The following FRMPD2 variants were observed in gnomAD, a reference collection of about 807,000 sequenced individuals.
FRMPD2 encodes the protein FERM and PDZ domain containing 2, also known as FERM and PDZ domain-containing protein 2.
Under a neutral mutation model 140.1 loss-of-function variants are expected in FRMPD2, and 96 were observed. The observed-to-expected ratio is 0.69, with a 90% CI of 0.58 to 0.81. FRMPD2 has a LOEUF of 0.81. Ranked by LOEUF, FRMPD2 falls within the 40% of genes least tolerant of loss-of-function variation. The pLI, the probability that FRMPD2 is intolerant of heterozygous loss-of-function variation, is 0.00. For synonymous variants in FRMPD2, 449 were observed against 547.6 expected (o/e 0.82, Z 2.52); for missense variants, 1,240 against 1,447.4 (o/e 0.86, Z 2.32).
In FRMPD2 at chr10:48,216,524, C is replaced by CT. The variant is rs1400402908; in HGVS notation, c.1456-4416dup. ...ATCTGGCCTGCTGTCCCCAACAACT[C>CT]TAAGTGCTAGAGTTAAACTCAGGTT... On this transcript the variant is annotated intron_variant, in intron 12 of 28. Transcript: ENST00000374201. Among the ~76,000 whole-genome samples the CT allele has an allele frequency of 4.6e-5, 7 of 152,280 alleles. No homozygotes were observed. In the East Asian group the frequency reaches 9.7e-4, roughly 21 times the overall value.
chr10:48,228,582 G>C (rs765931726), intron 10 of FRMPD2, among the ~76,000 whole-genome samples: 1 of 151,848 alleles, frequency 6.6e-6, no homozygotes, highest in Non-Finnish European at 1.5e-5. Flanking sequence ...ATATTTCTAG[G>C]TGTTATAAAA....
At chr10:48,239,755 G>T in intron 6 of FRMPD2, 63 bp from the exon 7 acceptor site, 1 of 1,163,230 alleles carries the variant, frequency 8.6e-7, no homozygotes, top group South Asian at 1.3e-5. Flanking sequence ...CTTAAATCAG[G>T]CATCTCAGAG....
At chr10:48,177,642 A>G in intron 22 of FRMPD2, 2 of 182,616 alleles carry the variant, frequency 1.1e-5, no homozygotes, top group East Asian at 2.3e-4. Context: ...CTCCACACTG[A>G]TTCTATGCTG....
At chr10:48,211,874 C>T (rs867346490) in intron 13 of FRMPD2, 80 bp downstream of exon 13, 3 of 1,426,220 alleles carry the variant, frequency 2.1e-6, no homozygotes, top group Non-Finnish European at 2.9e-6. Flanking sequence ...CACCTGGGCC[C>T]CTTGAGAAGG....
chr10:48,174,732 G>A, intron 24 of FRMPD2, 138 bp downstream of exon 24: 1 of 742,686 alleles, frequency 1.3e-6, no homozygotes, highest in Non-Finnish European at 2.4e-6. Context: ...AGAAGAAATG[G>A]AAGAGAAAAA....
intron 3 of FRMPD2, 32 bp from the exon 4 acceptor site, chr10:48,244,881 C>T: frequency 2.1e-6 from 3 of 1,446,652 alleles, no homozygotes; most frequent in Admixed American, 1.7e-5. Context: ...GATTAGATTT[C>T]AATCATCTCT....
At chr10:48,161,452 TAAAGAGGCATA>T (rs1187202565) in intron 28 of FRMPD2, among the ~76,000 whole-genome samples, 4 of 151,608 alleles carry the variant, frequency 2.6e-5, no homozygotes. Flanking sequence ...GTAGAAGACA[TAAAGAGGCATA>T]AAGATGTGGA....
chr10:48,269,152 C>A (rs1204554042), intron 1 of FRMPD2, among the ~76,000 whole-genome samples: 1 of 152,006 alleles, frequency 6.6e-6, no homozygotes, highest in Admixed American at 6.6e-5. Context: ...TCTAGTAAAT[C>A]AGGGAAAACA....
rs112007405 is a variant in FRMPD2, at chr10:48,260,384, G to A, written c.26-8693C>T. The stretch of plus-strand genomic sequence containing the variant: ...GATGTAAATCCCAGTCCAAGGGCAG[G>A]AGATGAGATGAGATGTCCCAGCTCA... On this transcript the variant is annotated intron_variant, in intron 1 of 28. Coordinates refer to ENST00000374201, the MANE Select transcript of FRMPD2 (RefSeq NM_001018071.4). Among the ~76,000 whole-genome samples, 189 of 152,256 alleles carry A rather than the reference G, an allele frequency of 1.2e-3. 1 individual carries two copies. The highest frequency in any genetic ancestry group is 4.4e-3 in the African/African-American group (182 of 41,544).
chr10:48,206,937 G>C lies in FRMPD2; in HGVS notation c.1612-4C>G. The C allele has an allele frequency of 6.2e-7, 1 of 1,613,026 alleles. No homozygotes were observed. The highest frequency in any genetic ancestry group is 8.5e-7 in the Non-Finnish European group (1 of 1,179,424). On this transcript the variant is annotated splice_polypyrimidine_tract_variant and splice_region_variant and intron_variant, in intron 13 of 28. Transcript: ENST00000374201. ...ATTCTGGGAGCTGCTGAGTGACCTG[G>C]AGCAGAAAAAGGCTGATTTAGAAGA... is the stretch of plus-strand genomic sequence containing the variant.
intron 13 of FRMPD2, 103 bp from the exon 14 acceptor site, chr10:48,207,036 AAAG>A: frequency 1.0e-6 from 1 of 978,070 alleles, no homozygotes; most frequent in South Asian, 2.1e-5. Context: ...GGCGTTCTGA[AAAG>A]AAAGAGTAGA....
At chr10:48,249,282 T>A in intron 2 of FRMPD2, 104 bp from the exon 3 acceptor site, 1 of 1,072,078 alleles carries the variant, frequency 9.3e-7, no homozygotes, top group Non-Finnish European at 1.4e-6. Context: ...TCTCTGGGAC[T>A]GAATGTGAGC....
chr10:48,236,600 G>C, intron 8 of FRMPD2, 47 bp from the exon 9 acceptor site: 2 of 1,566,266 alleles, frequency 1.3e-6, no homozygotes, highest in Non-Finnish European at 1.8e-6. Context: ...CAGATTCCAG[G>C]CTTTGGGTCT....
Position 48,232,132 on chromosome 10 carries a change from C to T in FRMPD2, c.1151G>A (p.Gly384Asp). ...ATGCTTACTTTTCATATACGCCAAG[C>T]CAAAGTAGGTGAGTTCCTCGAGGTT... ...FANLEELTYF[G>D]LAYMKSKEFF... The change falls in exon 10 of 29, where the codon GGC becomes GAC. Residue 384 changes from glycine to aspartate, a missense_variant. This residue lies in a region of FRMPD2 where 1,161 missense variants were observed against 1,055.9 expected (regional missense o/e 1.10). Transcript: ENST00000374201. 1.2e-6 allele frequency: 2 copies of T among 1,614,180 alleles called. No individual in the cohort carries two copies. Among genetic ancestry groups the T allele is most frequent in the Non-Finnish European group, 1.7e-6 (2 of 1,180,040 alleles).
chr10:48,228,926 G>A (rs918705208), intron 10 of FRMPD2, among the ~76,000 whole-genome samples: 1 of 151,906 alleles, frequency 6.6e-6, no homozygotes, highest in South Asian at 2.1e-4. Flanking sequence ...ATTGCAAAAG[G>A]TTTATGGAAG....
intron 15 of FRMPD2, among the ~76,000 whole-genome samples, chr10:48,197,690 C>G (rs1256680481): frequency 2.0e-5 from 3 of 152,200 alleles, no homozygotes; most frequent in Non-Finnish European, 4.4e-5. Context: ...TATTATATTG[C>G]TCCCTTTTAT....
At chr10:48,251,071 G>T (rs1198492988) in intron 2 of FRMPD2, among the ~76,000 whole-genome samples, 1 of 151,962 alleles carries the variant, frequency 6.6e-6, no homozygotes, top group Non-Finnish European at 1.5e-5. Context: ...CCAAAGTGCT[G>T]GGATTACAGG....
At chr10:48,209,960 C>T (rs1220222417) in intron 13 of FRMPD2, among the ~76,000 whole-genome samples, 1 of 152,080 alleles carries the variant, frequency 6.6e-6, no homozygotes, top group Non-Finnish European at 1.5e-5. Flanking sequence ...GGATTATATA[C>T]ATACATAAAA....
intron 1 of FRMPD2, among the ~76,000 whole-genome samples, chr10:48,260,285 C>CAA (rs1840562703): frequency 6.6e-6 from 1 of 152,072 alleles, no homozygotes; most frequent in East Asian, 1.9e-4. Context: ...CTGCTATCTA[C>CAA]AAGCTGAAGA....
Sources: gnomAD v4.1 joint callset for allele counts (sites outside exome capture counted in the v4.1 genomes callset) on GRCh38, gnomAD v4.1.1 for gene constraint, gnomAD v4.1.1 regional missense constraint, MANE v1.5 for transcripts, NCBI Gene and HGNC (gene_info 2026-07-23, HGNC 2026-07-21) for gene names.